C10orf67: variants seen among roughly 807,000 people sequenced by gnomAD.
C10orf67 encodes chromosome 10 open reading frame 67, also known as uncharacterized protein C10orf67, mitochondrial.
C10orf67 carries 60 observed loss-of-function variants against 35.6 expected under a neutral mutation model. The observed-to-expected ratio is 1.68, with a 90% confidence interval of 1.37 to 2.09. The LOEUF (loss-of-function observed/expected upper bound fraction) is 2.09. Among genes scored for constraint, C10orf67 ranks in the 30% most tolerant of loss-of-function variants. C10orf67 has a pLI of 0.00. For missense variants in C10orf67, 474 were observed against 330.2 expected (o/e 1.44, Z -3.38); for synonymous variants, 167 against 115.8 (o/e 1.44, Z -2.84).
chr10:23,289,737 C>T (rs1021138173), intron 7 of C10orf67, among the ~76,000 whole-genome samples, 163 bp downstream of exon 7: 1 of 152,140 alleles, frequency 6.6e-6, no homozygotes, highest in African/African-American at 2.4e-5. Context: ...AGGTGGAGTC[C>T]TTATTTGCTT....
At chr10:23,264,462 T>C (rs1447808075) in intron 10 of C10orf67, among the ~76,000 whole-genome samples, 2 of 152,160 alleles carry the variant, frequency 1.3e-5, no homozygotes, top group Non-Finnish European at 2.9e-5. Flanking sequence ...TGTTTGGAGA[T>C]ACCCAGGCCA....
intron 4 of C10orf67, among the ~76,000 whole-genome samples, chr10:23,314,937 A>C (rs1844644181): frequency 6.6e-6 from 1 of 152,256 alleles, no homozygotes. Context: ...TGAAAAAAAA[A>C]GTACAGGTAC....
At chr10:23,262,894 T>C (rs1322959161) in intron 10 of C10orf67, among the ~76,000 whole-genome samples, 1 of 152,218 alleles carries the variant, frequency 6.6e-6, no homozygotes, top group African/African-American at 2.4e-5. Flanking sequence ...ATTTTAGTGA[T>C]AAATGAAAAA....
intron 2 of C10orf67, among the ~76,000 whole-genome samples, chr10:23,332,109 G>A (rs138748451): frequency 1.3e-5 from 2 of 152,288 alleles, no homozygotes; most frequent in African/African-American, 4.8e-5. Context: ...ATATGAGTAT[G>A]TGCAGGATTA....
In C10orf67 at chr10:23,322,271, CAT is replaced by C. The variant is rs368328403; in HGVS notation, c.471+121_471+122del. 6,777 of 1,002,288 alleles carry C rather than the reference CAT, an allele frequency of 6.8e-3. 157 individuals carry two copies. Among genetic ancestry groups the C allele is most frequent in the African/African-American group, 0.051 (3,151 of 61,880 alleles). 62.1% of individuals were successfully genotyped at this position (1,002,288 alleles called of 1,614,324 possible). A position where few individuals can be genotyped will look rare whatever the true frequency, so the allele number is the denominator to read the frequency against. On this transcript the variant is annotated intron_variant, in intron 3 of 15. Coordinates refer to ENST00000636213, the MANE Select transcript of C10orf67 (RefSeq NM_001371909.1). ...GTGAAGCTCTGTGTATTAATTACCA[CAT>C]GAGACACAACTAATGCAAATTACAC...
At chr10:23,319,406 G>T (rs572938805) in intron 4 of C10orf67, among the ~76,000 whole-genome samples, 1 of 151,928 alleles carries the variant, frequency 6.6e-6, no homozygotes, top group East Asian at 1.9e-4. Flanking sequence ...CCAGTCCACC[G>T]TTGATGGGCA....
chr10:23,338,125 T>G (rs1376885421), intron 1 of C10orf67, among the ~76,000 whole-genome samples: 1 of 152,190 alleles, frequency 6.6e-6, no homozygotes, highest in Non-Finnish European at 1.5e-5. Flanking sequence ...TGTAAAGGTG[T>G]TTGTGCGGCA....
intron 5 of C10orf67, among the ~76,000 whole-genome samples, chr10:23,294,163 G>A (rs1448468585): frequency 6.6e-6 from 1 of 152,126 alleles, no homozygotes; most frequent in Non-Finnish European, 1.5e-5. Flanking sequence ...TGACAACCAG[G>A]AAAGTGGCAC....
At chr10:23,321,946 T>A (rs1169271843) in intron 3 of C10orf67, among the ~76,000 whole-genome samples, 1 of 152,102 alleles carries the variant, frequency 6.6e-6, no homozygotes, top group Non-Finnish European at 1.5e-5. Flanking sequence ...CAACACCACA[T>A]CTGGCTCATG....
At chr10:23,262,775 C>A (rs771486327) in intron 10 of C10orf67, among the ~76,000 whole-genome samples, 1 of 152,084 alleles carries the variant, frequency 6.6e-6, no homozygotes, top group African/African-American at 2.4e-5. Context: ...TATCAAACTA[C>A]CCAGCATAAA....
At chr10:23,291,932 A>C (rs146019954) in intron 5 of C10orf67, among the ~76,000 whole-genome samples, 1 of 152,150 alleles carries the variant, frequency 6.6e-6, no homozygotes, top group Non-Finnish European at 1.5e-5. Flanking sequence ...GGGTCTGTGC[A>C]GGCGTTTAAT....
At chr10:23,245,050 C>T (rs773230634) in intron 12 of C10orf67, among the ~76,000 whole-genome samples, 4 of 152,054 alleles carry the variant, frequency 2.6e-5, no homozygotes, top group South Asian at 2.1e-4. Flanking sequence ...CAGAAATAAG[C>T]TCATGCATAT....
intron 10 of C10orf67, among the ~76,000 whole-genome samples, chr10:23,260,303 A>T (rs1842713086): frequency 6.6e-6 from 1 of 152,212 alleles, no homozygotes; most frequent in East Asian, 1.9e-4. Flanking sequence ...AAAAATACCT[A>T]TCAAAAATAA....
intron 15 of C10orf67, among the ~76,000 whole-genome samples, chr10:23,211,575 CTT>C (rs1371017666): frequency 6.6e-6 from 1 of 151,686 alleles, no homozygotes; most frequent in Non-Finnish European, 1.5e-5. Context: ...AAGGAAAAGA[CTT>C]TTATGAAGAT....
chr10:23,307,359 A>T (rs1182400407), intron 4 of C10orf67, among the ~76,000 whole-genome samples: 1 of 152,154 alleles, frequency 6.6e-6, no homozygotes, highest in Non-Finnish European at 1.5e-5. Flanking sequence ...AATATCTGCT[A>T]ATATACTTAA....
chr10:23,217,825 A>T (rs994518575), intron 15 of C10orf67, among the ~76,000 whole-genome samples: 8 of 152,204 alleles, frequency 5.3e-5, no homozygotes, highest in Admixed American at 5.2e-4. Flanking sequence ...CATCAAATTA[A>T]TAAGGGACAT....
At chr10:23,273,579 T>C (rs1843091450) in intron 8 of C10orf67, among the ~76,000 whole-genome samples, 2 of 152,328 alleles carry the variant, frequency 1.3e-5, no homozygotes, top group Admixed American at 6.5e-5. Context: ...TGAGGCTCCT[T>C]GAGTACAATC....
At chr10:23,228,759 C>T (rs925295483) in intron 13 of C10orf67, among the ~76,000 whole-genome samples, 17 of 152,080 alleles carry the variant, frequency 1.1e-4, no homozygotes, top group Non-Finnish European at 1.0e-4. Context: ...ACAACCCCAT[C>T]AAAAAGTGGG....
intron 2 of C10orf67, among the ~76,000 whole-genome samples, chr10:23,324,773 G>C (rs1845115441): frequency 6.6e-6 from 1 of 152,118 alleles, no homozygotes; most frequent in African/African-American, 2.4e-5. Context: ...TATTGTCCTT[G>C]ATCTGATTCA....
Sources: allele counts gnomAD v4.1 joint callset (sites outside exome capture counted in the v4.1 genomes callset), GRCh38; gene constraint gnomAD v4.1.1; transcripts MANE v1.5; gene names NCBI Gene and HGNC (gene_info 2026-07-23, HGNC 2026-07-21).